Variants in AKT3 observed in about 807,000 individuals in gnomAD.
AKT3 encodes AKT serine/threonine kinase 3, also known as RAC-gamma serine/threonine-protein kinase.
AKT3 carries 15 observed loss-of-function variants against 65.3 expected under a neutral mutation model. That is an observed-to-expected ratio of 0.23 (90% CI 0.15 to 0.35). AKT3 has a LOEUF of 0.35. AKT3 is among the 10% of genes least tolerant of loss of function. The probability of loss-of-function intolerance (pLI) is 1.00; values close to 1 mark genes in which losing one functional copy is unlikely to be tolerated. For missense variants in AKT3, 243 were observed against 576.5 expected (o/e 0.42, Z 5.92); for synonymous variants, 206 against 183.8 (o/e 1.12, Z -0.98).
At chr1:243,552,979 A>G in intron 10 of AKT3, 36 bp from the exon 11 acceptor site, 1 of 1,454,596 alleles carries the variant, frequency 6.9e-7, no homozygotes, top group Non-Finnish European at 9.4e-7. Flanking sequence ...TAATTATTAC[A>G]TGTTAACTTT....
intron 5 of AKT3, among the ~76,000 whole-genome samples, chr1:243,640,589 GGA>G (rs1287959187): frequency 6.6e-6 from 1 of 152,160 alleles, no homozygotes; most frequent in Non-Finnish European, 1.5e-5. Flanking sequence ...GAGGCCATGT[GGA>G]GAGACCCTGG....
chr1:243,756,981 C>T (rs958664279), intron 2 of AKT3, among the ~76,000 whole-genome samples: 5 of 152,154 alleles, frequency 3.3e-5, no homozygotes, highest in African/African-American at 1.2e-4. Context: ...ATTAGACAAA[C>T]TCTAATTATG....
intron 8 of AKT3, among the ~76,000 whole-genome samples, chr1:243,577,085 C>T (rs957507373): frequency 2.0e-5 from 3 of 152,120 alleles, no homozygotes; most frequent in African/African-American, 7.2e-5. Context: ...ATATCTACAA[C>T]TATTTGATTT....
At chr1:243,536,508 G>T (rs1266168291) in intron 12 of AKT3, among the ~76,000 whole-genome samples, 1 of 152,122 alleles carries the variant, frequency 6.6e-6, no homozygotes, top group Non-Finnish European at 1.5e-5. Flanking sequence ...TTTAATATCT[G>T]AAATCTACTT....
intron 8 of AKT3, among the ~76,000 whole-genome samples, chr1:243,601,451 A>G (rs1278118370): frequency 2.0e-5 from 3 of 152,126 alleles, no homozygotes; most frequent in African/African-American, 4.8e-5. Flanking sequence ...AAGTGTGGTG[A>G]TGTTGTCAAG....
intron 3 of AKT3, among the ~76,000 whole-genome samples, chr1:243,682,316 T>A (rs1046746269): frequency 6.6e-5 from 10 of 152,076 alleles, no homozygotes; most frequent in African/African-American, 2.2e-4. Flanking sequence ...GGCAAATTTT[T>A]AAAAAATAAA....
chr1:243,595,610 T>A (rs1676551446), intron 8 of AKT3, among the ~76,000 whole-genome samples: 1 of 152,224 alleles, frequency 6.6e-6, no homozygotes, highest in South Asian at 2.1e-4. Flanking sequence ...TTTCTATTTT[T>A]TTTAACGTCT....
intron 3 of AKT3, among the ~76,000 whole-genome samples, chr1:243,666,144 C>T (rs1682757153): frequency 6.6e-6 from 1 of 152,134 alleles, no homozygotes; most frequent in South Asian, 2.1e-4. Flanking sequence ...GCTGTGATTA[C>T]AGGCGTGCAC....
chr1:243,703,824 T>C (rs1277354253), intron 2 of AKT3, among the ~76,000 whole-genome samples: 5 of 151,830 alleles, frequency 3.3e-5, no homozygotes, highest in African/African-American at 1.2e-4. Flanking sequence ...TTATCTACAT[T>C]GCAATAAACT....
At chr1:243,497,935 G>A (rs1668441735), downstream of AKT3, among the ~76,000 whole-genome samples, 2 of 152,214 alleles carry the variant, frequency 1.3e-5, no homozygotes, top group South Asian at 4.1e-4. Context: ...TATTGCCCCA[G>A]CCTCCCAAAG....
intron 2 of AKT3, among the ~76,000 whole-genome samples, chr1:243,825,007 G>T (rs1319028094): frequency 6.6e-6 from 1 of 152,108 alleles, no homozygotes; most frequent in East Asian, 1.9e-4. Context: ...CAACCCAAAT[G>T]CCCATCAATG....
intron 4 of AKT3, among the ~76,000 whole-genome samples, chr1:243,649,091 A>G (rs1681068509): frequency 6.6e-6 from 1 of 151,836 alleles, no homozygotes; most frequent in African/African-American, 2.4e-5. Context: ...GATATGTATT[A>G]TTTTCATTAT....
chr1:243,786,956 C>T (rs1053844359), intron 2 of AKT3, among the ~76,000 whole-genome samples: 5 of 152,118 alleles, frequency 3.3e-5, no homozygotes, highest in African/African-American at 1.2e-4. Flanking sequence ...AAGAACTGAC[C>T]TGAGAACACA....
At chr1:243,547,298 T>C (rs1010548442) in intron 11 of AKT3, among the ~76,000 whole-genome samples, 1 of 152,182 alleles carries the variant, frequency 6.6e-6, no homozygotes, top group African/African-American at 2.4e-5. Flanking sequence ...CAGTGAAACA[T>C]AACAAATTAA....
At chr1:243,678,210 T>C (rs1683664980) in intron 3 of AKT3, among the ~76,000 whole-genome samples, 1 of 152,222 alleles carries the variant, frequency 6.6e-6, no homozygotes. Flanking sequence ...GTGTTTTCTT[T>C]GCCTTCAGGA....
At chr1:243,698,916 A>AG (rs942330057) in intron 2 of AKT3, among the ~76,000 whole-genome samples, 8 of 149,856 alleles carry the variant, frequency 5.3e-5, no homozygotes, top group African/African-American at 1.9e-4. Flanking sequence ...GCTGGACCAA[A>AG]AAAAAAAAAA....
chr1:243,747,731 A>G (rs556278575), intron 2 of AKT3, among the ~76,000 whole-genome samples: 8 of 152,236 alleles, frequency 5.3e-5, no homozygotes, highest in Non-Finnish European at 1.0e-4. Context: ...AGAAAACCAC[A>G]TTAAACTTAT....
At chr1:243,658,207 A>C (rs2147892226) in intron 4 of AKT3, among the ~76,000 whole-genome samples, 1 of 152,330 alleles carries the variant, frequency 6.6e-6, no homozygotes, top group East Asian at 1.9e-4. Flanking sequence ...ATGTCTGATA[A>C]GGGCTTAATA....
At chr1:243,777,574 A>T (rs1690634909) in intron 2 of AKT3, among the ~76,000 whole-genome samples, 1 of 152,212 alleles carries the variant, frequency 6.6e-6, no homozygotes, top group African/African-American at 2.4e-5. Context: ...TCTTATGACA[A>T]CTTGAGATGA....
Sources: allele counts gnomAD v4.1 joint callset (sites outside exome capture counted in the v4.1 genomes callset), GRCh38; gene constraint gnomAD v4.1.1; transcripts MANE v1.5; gene names NCBI Gene and HGNC (gene_info 2026-07-23, HGNC 2026-07-21).